The following C1orf198 variants were observed in gnomAD, a reference collection of about 807,000 sequenced individuals.
C1orf198 encodes uncharacterized protein C1orf198.
In C1orf198, 17 loss-of-function variants were observed where a neutral mutation model predicts 31.4. The observed-to-expected ratio is 0.54, with a 90% CI of 0.37 to 0.81. The LOEUF is 0.81. C1orf198 is among the 40% of genes least tolerant of loss of function. C1orf198 has a pLI of 0.00. For missense variants in C1orf198, 401 were observed against 450.3 expected, an observed-to-expected ratio of 0.89 and a Z score of 0.99; for synonymous variants, 175 against 193.8, an observed-to-expected ratio of 0.90 and a Z score of 0.81.
chr1:230,866,851 G>A (rs1670132204), intron 1 of C1orf198, among the ~76,000 whole-genome samples: 1 of 152,082 alleles, frequency 6.6e-6, no homozygotes. Context: ...CCCCTCCCCA[G>A]TTTACCACAC....
intron 1 of C1orf198, among the ~76,000 whole-genome samples, chr1:230,866,184 G>T (rs890503389): frequency 1.3e-5 from 2 of 152,194 alleles, no homozygotes; most frequent in African/African-American, 2.4e-5. Context: ...CCACTTTGGT[G>T]CCTACCTCTG....
chr1:230,841,247 C>G (rs1013485984), intron 3 of C1orf198, among the ~76,000 whole-genome samples: 2 of 152,156 alleles, frequency 1.3e-5, no homozygotes, highest in African/African-American at 4.8e-5. Flanking sequence ...AAAGCACTAG[C>G]TTAAGAAGGT....
Position 230,839,811 on chromosome 1 carries a change from A to T in C1orf198, c.*41T>A. The stretch of plus-strand genomic sequence containing the variant: ...ATCCTCCTCCACCACACCACTTTGG[A>T]AAACATTTTAGGGTTCTTCATTGTA... On this transcript the variant is annotated 3_prime_UTR_variant, in exon 4 of 4. Transcript: ENST00000366663. 6.3e-7 allele frequency: 1 copy of T among 1,583,034 alleles called. No individual in the cohort carries two copies. Among genetic ancestry groups the T allele is most frequent in the Middle Eastern group, 1.8e-4 (1 of 5,562 alleles).
In C1orf198 at chr1:230,868,500, CCAT is replaced by C. The variant is rs1455764383; in HGVS notation, c.10_12del (p.Met4del). On this transcript the variant is annotated inframe_deletion, in exon 1 of 4. Transcript: ENST00000366663. ...GAGCGCGAAGCCGCGATCGCCGCCGCCATGGACGCCATGCCCGGCCTGCCCGCC... is the reference window on the plus strand; with the variant it reads ...GAGCGCGAAGCCGCGATCGCCGCCGCGGACGCCATGCCCGGCCTGCCCGCC... 1 of 1,447,490 alleles carries C rather than the reference CCAT, an allele frequency of 6.9e-7. No homozygotes were observed. Among genetic ancestry groups the C allele is most frequent in the Non-Finnish European group, 9.2e-7 (1 of 1,089,354 alleles). The allele number at this position is 1,447,490 out of a possible 1,614,324, so 89.7% of individuals were successfully genotyped here.
chr1:230,840,063 C>T lies in C1orf198; in HGVS notation c.928-155G>A, dbSNP rs1339388876. ...CTCAATTTATCTCAGTGCTTGAAAT[C>T]AGAAGATTAAATACAGTTCAATGCA... is the stretch of plus-strand genomic sequence containing the variant. On this transcript the variant is annotated intron_variant, in intron 3 of 3. Transcript: ENST00000366663. The surrounding 1 kb of genome is among the most constrained non-coding windows in gnomAD (Gnocchi z 4.0). Among the ~76,000 whole-genome samples, 2 of 152,200 alleles carry T rather than the reference C, an allele frequency of 1.3e-5. No homozygotes were observed.
intron 1 of C1orf198, among the ~76,000 whole-genome samples, chr1:230,863,868 A>T (rs1475400674): frequency 6.6e-6 from 1 of 152,264 alleles, no homozygotes. Context: ...CAGCAGGCAC[A>T]AGGTGGGAAT....
chr1:230,854,383 C>T (rs929390401), intron 2 of C1orf198, among the ~76,000 whole-genome samples: 10 of 152,184 alleles, frequency 6.6e-5, no homozygotes, highest in African/African-American at 2.4e-4. Flanking sequence ...GCACTTTTTA[C>T]CCACTTATGA....
At position 230,868,503 on chromosome 1, in the gene C1orf198, T is replaced by G; in HGVS notation, c.10A>C (p.Met4Leu). The G allele has an allele frequency of 2.1e-6, 3 of 1,445,488 alleles. No homozygotes were observed. The highest frequency in any genetic ancestry group is 2.8e-6 in the Non-Finnish European group (3 of 1,088,114). 89.5% of individuals were successfully genotyped at this position (1,445,488 alleles called of 1,614,324 possible). ...CGCGAAGCCGCGATCGCCGCCGCCA[T>G]GGACGCCATGCCCGGCCTGCCCGCC... MAS[M>L]AAAIAASRSA... The change falls in exon 1 of 4, where the codon ATG becomes CTG. Residue 4 changes from methionine (M) to leucine (L), a missense_variant. Transcript: ENST00000366663.
In C1orf198 at chr1:230,838,453, A is replaced by G. The variant is rs1669358610; in HGVS notation, c.*1399T>C. ...GTTGAGGTGAGTTGCTATGTGCTTT[A>G]TTTTGGAGCCAGATAAAATATTCTG... On this transcript the variant is annotated 3_prime_UTR_variant, in exon 4 of 4. Coordinates refer to ENST00000366663, the MANE Select transcript of C1orf198 (RefSeq NM_032800.3). This position sits in a 1 kb window ranked among gnomAD's most constrained non-coding sequence, Gnocchi z 4.2. 1 of 152,054 alleles carries G rather than the reference A, an allele frequency of 6.6e-6. No homozygotes were observed. Among genetic ancestry groups the G allele is most frequent in the Admixed American group, 6.6e-5 (1 of 15,224 alleles). 9.4% of individuals were successfully genotyped at this position (152,054 alleles called of 1,614,324 possible). A position where few individuals can be genotyped will look rare whatever the true frequency, so the allele number is the denominator to read the frequency against.
Position 230,868,414 on chromosome 1 carries a change from G to A in C1orf198, c.99C>T (p.Phe33=). 6.3e-7 allele frequency: 1 copy of A among 1,590,958 alleles called. No individual in the cohort carries two copies. The highest frequency in any genetic ancestry group is 8.6e-7 in the Non-Finnish European group (1 of 1,169,160). ...DDRERKRFTY[F]SSLSPMARKI... is the part of the protein sequence containing the mutation. ...TCCTGGCCATGGGGCTCAGCGACGAGAAGTAAGTGAAGCGCTTTCGCTCCC... is the reference window on the plus strand; with the variant it reads ...TCCTGGCCATGGGGCTCAGCGACGAAAAGTAAGTGAAGCGCTTTCGCTCCC... Residue 33 remains phenylalanine, a synonymous_variant, in exon 1 of 4, where the codon TTC becomes TTT. Coordinates refer to ENST00000366663, the MANE Select transcript of C1orf198 (RefSeq NM_032800.3).
intron 1 of C1orf198, among the ~76,000 whole-genome samples, chr1:230,858,736 G>A (rs1669937148): frequency 6.6e-6 from 1 of 152,176 alleles, no homozygotes. Context: ...CCTGTTACTC[G>A]ATATGATTCT....
At chr1:230,855,794 G>C in intron 1 of C1orf198, 76 bp from the exon 2 acceptor site, 3 of 1,557,942 alleles carry the variant, frequency 1.9e-6, no homozygotes, top group South Asian at 1.2e-5. Context: ...CCAGGACCGT[G>C]GGGGAACCAA....
chr1:230,863,197 A>C (rs1670036489), intron 1 of C1orf198, among the ~76,000 whole-genome samples: 1 of 152,208 alleles, frequency 6.6e-6, no homozygotes, highest in Non-Finnish European at 1.5e-5. Flanking sequence ...ACAGAAAAAC[A>C]GTCCTGATTT....
chr1:230,866,009 G>T (rs2102994479), intron 1 of C1orf198, among the ~76,000 whole-genome samples: 1 of 152,298 alleles, frequency 6.6e-6, no homozygotes, highest in South Asian at 2.1e-4. Context: ...GAGACATTGG[G>T]CCCCACTCTA....
At chr1:230,850,302 A>T (rs1437785830) in intron 2 of C1orf198, among the ~76,000 whole-genome samples, 1 of 152,240 alleles carries the variant, frequency 6.6e-6, no homozygotes, top group Non-Finnish European at 1.5e-5. Flanking sequence ...TTTATGCCAT[A>T]GTTTCCTCAT....
At chr1:230,856,541 T>A (rs566115835) in intron 1 of C1orf198, among the ~76,000 whole-genome samples, 5 of 152,140 alleles carry the variant, frequency 3.3e-5, no homozygotes, top group Non-Finnish European at 4.4e-5. Context: ...CCAGCTTCGA[T>A]TGGGTAACTT....
At chr1:230,852,932 T>C (rs1345433935) in intron 2 of C1orf198, among the ~76,000 whole-genome samples, 1 of 152,188 alleles carries the variant, frequency 6.6e-6, no homozygotes, top group East Asian at 1.9e-4. Context: ...TACTATGCAA[T>C]TGCCCAGCCT....
rs183137802 is a variant in C1orf198 at position 230,839,963 on chromosome 1, T to A, written c.928-55A>T. ...GACGAGCCTCTTTTTTTCAGTTACG[T>A]ATAATCTAAAAACAGCATCTCATTT... is the stretch of plus-strand genomic sequence containing the variant. On this transcript the variant is annotated intron_variant, in intron 3 of 3. Transcript: ENST00000366663. 8.5e-5 allele frequency: 128 copies of A among 1,500,436 alleles called. 1 individual carries two copies. The African/African-American group carries it at 1.6e-3, about 19-fold the overall frequency. 92.9% of individuals were successfully genotyped at this position (1,500,436 alleles called of 1,614,324 possible). A position where few individuals can be genotyped will look rare whatever the true frequency, so the allele number is the denominator to read the frequency against.
intron 3 of C1orf198, among the ~76,000 whole-genome samples, chr1:230,841,608 C>T (rs377320771): frequency 3.8e-4 from 58 of 152,332 alleles, no homozygotes; most frequent in African/African-American, 1.4e-3. Flanking sequence ...TACCCCTTCG[C>T]ATGGCACCAG....
Sources: allele counts gnomAD v4.1 joint callset (sites outside exome capture counted in the v4.1 genomes callset), GRCh38; gene constraint gnomAD v4.1.1; non-coding constraint Gnocchi (gnomAD v3.1); transcripts MANE v1.5; gene names NCBI Gene and HGNC (gene_info 2026-07-23, HGNC 2026-07-21).